Variants in CFAP54 observed in about 807,000 individuals in gnomAD.
CFAP54 encodes the protein cilia and flagella associated protein 54.
A neutral mutation model predicts 370.4 loss-of-function variants in CFAP54; 290 were observed. The observed-to-expected ratio is 0.78, with a 90% CI of 0.71 to 0.86. The LOEUF is 0.86. CFAP54 is among the 40% of genes least tolerant of loss of function. CFAP54 has a pLI of 0.00. For synonymous variants in CFAP54, 1,206 were observed against 1,236.5 expected, an observed-to-expected ratio of 0.98 and a Z score of 0.52; for missense variants, 3,399 against 3,528.7, an observed-to-expected ratio of 0.96 and a Z score of 0.93.
intron 5 of CFAP54, among the ~76,000 whole-genome samples, chr12:96,514,451 G>A (rs1955208552): frequency 6.6e-6 from 1 of 152,170 alleles, no homozygotes; most frequent in African/African-American, 2.4e-5. Context: ...ACTCTCCCAG[G>A]CCTAATGTAA....
chr12:96,672,285 G>A (rs1275876892), intron 39 of CFAP54, among the ~76,000 whole-genome samples: 1 of 152,110 alleles, frequency 6.6e-6, no homozygotes, highest in Non-Finnish European at 1.5e-5. Flanking sequence ...ACAGGAGGGT[G>A]AGACATCTTT....
chr12:96,539,843 A>C (rs996574809), intron 13 of CFAP54, among the ~76,000 whole-genome samples: 1 of 152,158 alleles, frequency 6.6e-6, no homozygotes, highest in African/African-American at 2.4e-5. Flanking sequence ...ACTTTATAGG[A>C]GGGAGAAGGG....
chr12:96,817,699 C>T (rs911558722), intron 64 of CFAP54, 76 bp from the exon 65 acceptor site: 156 of 953,996 alleles, frequency 1.6e-4, no homozygotes, highest in Non-Finnish European at 2.0e-4. Context: ...GGATTACAGG[C>T]GTGAGCCACC....
At chr12:96,562,326 A>G (rs1955823925) in intron 17 of CFAP54, among the ~76,000 whole-genome samples, 1 of 152,024 alleles carries the variant, frequency 6.6e-6, no homozygotes, top group African/African-American at 2.4e-5. Flanking sequence ...TCTCTAGAAA[A>G]TGTCATACAT....
rs114326376 is a variant in CFAP54, at chr12:96,642,869, T to G, written c.4317-1309T>G. Among the ~76,000 whole-genome samples, 798 of 152,184 alleles carry G rather than the reference T, an allele frequency of 5.2e-3. 8 individuals are homozygous for G. Among genetic ancestry groups the G allele is most frequent in the African/African-American group, 0.018 (748 of 41,510 alleles). On this transcript the variant is annotated intron_variant, in intron 32 of 67. Transcript: ENST00000524981. ...GAGCACCCTGAATGTTAAGAACTGT[T>G]CAGATGATAGGAGGAAAAGCATTCT...
chr12:96,750,258 G>A (rs1262900611), intron 55 of CFAP54, among the ~76,000 whole-genome samples: 4 of 151,964 alleles, frequency 2.6e-5, no homozygotes, highest in African/African-American at 7.3e-5. Flanking sequence ...GTTCTTACCC[G>A]TCACCTTCTA....
chr12:96,766,658 C>T (rs1018507674), intron 60 of CFAP54, among the ~76,000 whole-genome samples: 1 of 152,168 alleles, frequency 6.6e-6, no homozygotes, highest in African/African-American at 2.4e-5. Context: ...TGAGGCTAAT[C>T]GCTCAGTCTC....
chr12:96,778,971 G>T (rs1958553260), intron 60 of CFAP54, among the ~76,000 whole-genome samples: 1 of 152,110 alleles, frequency 6.6e-6, no homozygotes, highest in South Asian at 2.1e-4. Context: ...AGCCAGGCGT[G>T]GGGGCAGGCA....
At chr12:96,818,033 C>A in intron 65 of CFAP54, 120 bp downstream of exon 65, 1 of 694,216 alleles carries the variant, frequency 1.4e-6, no homozygotes, top group Non-Finnish European at 2.1e-6. Flanking sequence ...ATTCAGAGTA[C>A]GAGACATGAC....
Position 96,860,883 on chromosome 12 carries a change from G to A in CFAP54, c.9236G>A (p.Gly3079Asp). ...GAGAGACTTTTTGATCTGGCTAATG[G>A]TTGCATTTTATCAGGAGGAAGCCTT... ...NLERLFDLAN[G>D]CILSGGSLFN... Residue 3079 changes from glycine to aspartate, a missense_variant, in exon 67 of 68, where the codon GGT becomes GAT. Gly to Asp is a moderately conservative substitution (Grantham distance 94). Around this residue, in one of 3 missense-constraint regions of CFAP54, gnomAD observed 2,796 missense variants for 2,869.7 expected, o/e 0.97. Transcript: ENST00000524981. The A allele has an allele frequency of 6.5e-7, 1 of 1,534,836 alleles. No homozygotes were observed. The highest frequency in any genetic ancestry group is 8.7e-7 in the Non-Finnish European group (1 of 1,146,086).
chr12:96,832,846 G>T (rs1396924885), intron 66 of CFAP54, among the ~76,000 whole-genome samples: 1 of 152,150 alleles, frequency 6.6e-6, no homozygotes, highest in African/African-American at 2.4e-5. Context: ...ATCCAAGATG[G>T]AAGATGGCTT....
chr12:96,816,864 T>C (rs768110315), intron 64 of CFAP54, among the ~76,000 whole-genome samples: 1 of 152,260 alleles, frequency 6.6e-6, no homozygotes, highest in Non-Finnish European at 1.5e-5. Flanking sequence ...AGGGCATCAC[T>C]GTTAACTGGC....
chr12:96,862,527 G>C (rs1318158838), intron 67 of CFAP54, among the ~76,000 whole-genome samples: 1 of 152,046 alleles, frequency 6.6e-6, no homozygotes, highest in Non-Finnish European at 1.5e-5. Flanking sequence ...AAGAATGAAA[G>C]GAATGAGTGG....
chr12:96,666,637 A>G (rs1957083986), intron 39 of CFAP54, among the ~76,000 whole-genome samples: 1 of 152,140 alleles, frequency 6.6e-6, no homozygotes, highest in South Asian at 2.1e-4. Context: ...TGAGAACAAC[A>G]TGGGAAAATC....
Position 96,700,023 on chromosome 12 carries a change from C to G in CFAP54, c.6404C>G (p.Ser2135Cys). The change falls in exon 46 of 68, where the codon TCC becomes TGC. Residue 2135 changes from serine (S) to cysteine (C), a missense_variant. Coordinates refer to ENST00000524981, the MANE Select transcript of CFAP54 (RefSeq NM_001306084.2). Reference sequence around the variant, plus strand: ...TTTTCTGAAGCCTTTTATGAGATATCCCAAATTTTCTATGGAAAAAACATG... The same window carrying G: ...TTTTCTGAAGCCTTTTATGAGATATGCCAAATTTTCTATGGAAAAAACATG... ...RFFSEAFYEI[S>C]QIFYGKNMPC... is the part of the protein sequence containing the mutation. 1 of 1,605,138 alleles carries G rather than the reference C, an allele frequency of 6.2e-7. No homozygotes were observed. Among genetic ancestry groups the G allele is most frequent in the South Asian group, 1.1e-5 (1 of 90,026 alleles).
chr12:96,708,929 A>G (rs1957577775), intron 48 of CFAP54, 126 bp downstream of exon 48: 3 of 667,448 alleles, frequency 4.5e-6, no homozygotes, highest in Non-Finnish European at 7.4e-6. Flanking sequence ...TGCTTATATA[A>G]TGACACACAT....
intron 63 of CFAP54, among the ~76,000 whole-genome samples, chr12:96,809,475 T>G (rs1022815535): frequency 2.6e-5 from 4 of 152,198 alleles, no homozygotes; most frequent in African/African-American, 9.6e-5. Context: ...GTAGTCTTCC[T>G]TGTTCTCTGA....
chr12:96,536,626 C>CTTTTTTT (rs10638883), intron 12 of CFAP54, among the ~76,000 whole-genome samples: 30 of 138,144 alleles, frequency 2.2e-4, no homozygotes, highest in African/African-American at 3.3e-4. Context: ...TTTTCTTTTT[C>CTTTTTTT]TTTTTTTTTT....
intron 19 of CFAP54, among the ~76,000 whole-genome samples, chr12:96,566,682 T>C (rs1955868059): frequency 6.6e-6 from 1 of 151,900 alleles, no homozygotes; most frequent in Admixed American, 6.6e-5. Flanking sequence ...GAAGGATAGG[T>C]GTTTGAGGTT....
Sources: allele counts gnomAD v4.1 joint callset (sites outside exome capture counted in the v4.1 genomes callset), GRCh38; gene constraint gnomAD v4.1.1; regional missense constraint gnomAD v4.1.1; transcripts MANE v1.5; gene names NCBI Gene and HGNC (gene_info 2026-07-23, HGNC 2026-07-21).